Variants in SATB2 observed in about 807,000 individuals in gnomAD.
The protein encoded by SATB2 is SATB homeobox 2.
Under a neutral mutation model 73.4 loss-of-function variants are expected in SATB2, and 1 was observed. The ratio of observed to expected loss-of-function variants is 0.01; its 90% CI spans 0.00 to 0.06. The LOEUF (loss-of-function observed/expected upper bound fraction) is 0.06, where lower values mean the gene tolerates loss of function less well. Among genes scored for constraint, SATB2 ranks in the 10% least tolerant of loss-of-function variants. The pLI, the probability that SATB2 is intolerant of heterozygous loss-of-function variation, is 1.00. For missense variants in SATB2, 459 were observed against 945.8 expected, an observed-to-expected ratio of 0.49 and a Z score of 6.75; for synonymous variants, 397 against 367.0, an observed-to-expected ratio of 1.08 and a Z score of -0.93.
Position 199,455,796 on chromosome 2 carries a change from C to A in SATB2, c.169+73G>T. On this transcript the variant is annotated intron_variant, in intron 2 of 10. Coordinates refer to ENST00000417098, the MANE Select transcript of SATB2 (RefSeq NM_001172509.2). This position sits in a 1 kb window ranked among gnomAD's most constrained non-coding sequence, Gnocchi z 4.1. ...ATCCTACACCGCGACAGCGCCTAATCAACCTGAACCCTGACACCCGGGCCA... is the reference window on the plus strand; with the variant it reads ...ATCCTACACCGCGACAGCGCCTAATAAACCTGAACCCTGACACCCGGGCCA... 1 of 1,497,752 alleles carries A rather than the reference C, an allele frequency of 6.7e-7. No homozygotes were observed. Among genetic ancestry groups the A allele is most frequent in the South Asian group, 1.2e-5 (1 of 83,084 alleles). 92.8% of individuals were successfully genotyped at this position (1,497,752 alleles called of 1,614,324 possible).
intron 3 of SATB2, among the ~76,000 whole-genome samples, chr2:199,401,617 C>A (rs1262023432): frequency 2.6e-5 from 4 of 151,516 alleles, no homozygotes; most frequent in African/African-American, 9.7e-5. Flanking sequence ...GGGAAAATGG[C>A]CCAAGGGATT....
rs149522309 is a variant in SATB2 at position 199,294,010 on chromosome 2, T to A, written c.1740+14750A>T. On this transcript the variant is annotated intron_variant, in intron 10 of 10. Coordinates refer to ENST00000417098, the MANE Select transcript of SATB2 (RefSeq NM_001172509.2). ...TTTAATGCTCCCCCCCAACTAGTTATTAATATCATATGTTTGATCTGTGTC... is the reference window on the plus strand; with the variant it reads ...TTTAATGCTCCCCCCCAACTAGTTAATAATATCATATGTTTGATCTGTGTC... Among the ~76,000 whole-genome samples, 311 of 152,284 alleles carry A rather than the reference T, an allele frequency of 2.0e-3. 3 individuals are homozygous for A. Among genetic ancestry groups the A allele is most frequent in the African/African-American group, 7.3e-3 (302 of 41,570 alleles).
chr2:199,422,781 G>A (rs1691210750), intron 3 of SATB2, among the ~76,000 whole-genome samples: 1 of 152,086 alleles, frequency 6.6e-6, no homozygotes, highest in Non-Finnish European at 1.5e-5. Context: ...GTTAGTAAAT[G>A]TTAAGCCCTA....
At chr2:199,336,165 T>A (rs1688332874) in intron 7 of SATB2, among the ~76,000 whole-genome samples, 1 of 152,146 alleles carries the variant, frequency 6.6e-6, no homozygotes, top group South Asian at 2.1e-4. Flanking sequence ...GGTACTGGAA[T>A]AAGAGGCTAT....
chr2:199,270,157 G>A lies in SATB2; in HGVS notation c.*2054C>T, dbSNP rs1692110167. 1 of 152,808 alleles carries A rather than the reference G, an allele frequency of 6.5e-6. No individual in the cohort carries two copies. The highest frequency in any genetic ancestry group is 3.4e-3 in the Middle Eastern group (1 of 294). The allele number at this position is 152,808 out of a possible 1,614,324, so 9.5% of individuals were successfully genotyped here. On this transcript the variant is annotated 3_prime_UTR_variant, in exon 11 of 11. Coordinates refer to ENST00000417098, the MANE Select transcript of SATB2 (RefSeq NM_001172509.2). ...ATACTACAGAAATAGGAAGGATGGG[G>A]CCAGGGCTAACTGCAAACAACCATC...
intron 2 of SATB2, among the ~76,000 whole-genome samples, chr2:199,437,375 A>G (rs1380661602): frequency 6.6e-6 from 1 of 152,228 alleles, no homozygotes; most frequent in Non-Finnish European, 1.5e-5. Flanking sequence ...CACTAGAAAA[A>G]TGCATTTTTC....
rs576044844 is a variant in SATB2, at chr2:199,335,635, A to C, written c.1174-6725T>G. The stretch of plus-strand genomic sequence containing the variant: ...AGAAGGCAACAAATGCATATTTTTT[A>C]AATTTCTGGGAGTGGGAGTCCTATC... On this transcript the variant is annotated intron_variant, in intron 7 of 10. Coordinates refer to ENST00000417098, the MANE Select transcript of SATB2 (RefSeq NM_001172509.2). 4.6e-5 allele frequency among the ~76,000 whole-genome samples: 7 copies of C among 152,294 alleles called. No homozygotes were observed. In the South Asian group the frequency reaches 1.2e-3, roughly 27 times the overall value.
chr2:199,470,700 C>T (rs549800590), intron 1 of SATB2: 11 of 152,516 alleles, frequency 7.2e-5, no homozygotes, highest in East Asian at 3.8e-4. Flanking sequence ...TTATTCTGCT[C>T]CCGACTTACC....
intron 7 of SATB2, among the ~76,000 whole-genome samples, chr2:199,341,924 C>T (rs558418925): frequency 6.6e-6 from 1 of 152,258 alleles, no homozygotes; most frequent in Admixed American, 6.5e-5. Flanking sequence ...GAAATGCAAG[C>T]AAAGTCCCAG....
At chr2:199,401,624 G>T (rs1482051745) in intron 3 of SATB2, among the ~76,000 whole-genome samples, 2 of 152,026 alleles carry the variant, frequency 1.3e-5, no homozygotes, top group Non-Finnish European at 2.9e-5. Context: ...TGGCCCAAGG[G>T]ATTAAAAAAT....
chr2:199,380,194 A>G lies in SATB2; in HGVS notation c.597+170T>C, dbSNP rs72931316. Among the ~76,000 whole-genome samples, 4,642 of 152,284 alleles carry G rather than the reference A, an allele frequency of 0.03. 111 individuals are homozygous for G. The highest frequency in any genetic ancestry group is 0.042 in the Non-Finnish European group (2,852 of 68,016). On this transcript the variant is annotated intron_variant, in intron 5 of 10. Coordinates refer to ENST00000417098, the MANE Select transcript of SATB2 (RefSeq NM_001172509.2). ...CTACCCCATGCCCGGTTAATAAGCTATAACTTCTATTCTACAACCAGAAGC... is the reference window on the plus strand; with the variant it reads ...CTACCCCATGCCCGGTTAATAAGCTGTAACTTCTATTCTACAACCAGAAGC...
intron 5 of SATB2, among the ~76,000 whole-genome samples, chr2:199,374,634 T>C (rs1237304588): frequency 5.9e-5 from 9 of 152,192 alleles, no homozygotes; most frequent in Non-Finnish European, 1.3e-4. Flanking sequence ...ATGGAGCACA[T>C]TGGAAGTTGC....
rs144859206 is a variant in SATB2, at chr2:199,285,656, C to A, written c.1741-12984G>T. ...TGTTAGATTACATTTTGACTCCAGG[C>A]GGATTTAATATAAGTTGGTTCTCTT... is the stretch of plus-strand genomic sequence containing the variant. On this transcript the variant is annotated intron_variant, in intron 10 of 10. Transcript: ENST00000417098. Among the ~76,000 whole-genome samples, 515 of 150,110 alleles carry A rather than the reference C, an allele frequency of 3.4e-3. 2 individuals are homozygous for A. Among genetic ancestry groups the A allele is most frequent in the African/African-American group, 0.012 (475 of 40,854 alleles).
At chr2:199,423,309 A>G (rs1212428307) in intron 3 of SATB2, among the ~76,000 whole-genome samples, 6 of 152,128 alleles carry the variant, frequency 3.9e-5, no homozygotes, top group African/African-American at 1.4e-4. Flanking sequence ...ACAACATCTA[A>G]CACATAATAG....
chr2:199,281,885 T>C (rs1014260485), intron 10 of SATB2, among the ~76,000 whole-genome samples: 43 of 145,440 alleles, frequency 3.0e-4, no homozygotes, highest in African/African-American at 5.2e-4. Flanking sequence ...TCTCTCTCTT[T>C]TTTTTTTTTT....
In SATB2 at chr2:199,455,306, T is replaced by A. The variant is rs1345405707; in HGVS notation, c.169+563A>T. On this transcript the variant is annotated intron_variant, in intron 2 of 10. Transcript: ENST00000417098. This position sits in a 1 kb window ranked among gnomAD's most constrained non-coding sequence, Gnocchi z 4.1. ...TACGAATGCATATGACTAAACTTTA[T>A]AGACAACAGCAGCATTTAAGCTTCT... Among the ~76,000 whole-genome samples the A allele has an allele frequency of 1.3e-5, 2 of 152,244 alleles. No homozygotes were observed. Among genetic ancestry groups the A allele is most frequent in the Non-Finnish European group, 2.9e-5 (2 of 68,046 alleles).
At chr2:199,320,309 C>A (rs1687850657) in intron 9 of SATB2, among the ~76,000 whole-genome samples, 1 of 152,132 alleles carries the variant, frequency 6.6e-6, no homozygotes, top group East Asian at 1.9e-4. Flanking sequence ...ATTCTGCAGA[C>A]AGAAAAGGAA....
At chr2:199,331,718 A>G (rs1393227860) in intron 7 of SATB2, among the ~76,000 whole-genome samples, 2 of 152,184 alleles carry the variant, frequency 1.3e-5, no homozygotes, top group Admixed American at 1.3e-4. Flanking sequence ...CTGCATGCTT[A>G]TAAATGGAAA....
At chr2:199,326,104 ACTC>A (rs1262101691) in intron 8 of SATB2, 1 of 151,980 alleles carries the variant, frequency 6.6e-6, no homozygotes, top group Non-Finnish European at 1.5e-5. Context: ...GTCAGTGAGT[ACTC>A]CTCTAATACT....
Sources: allele counts gnomAD v4.1 joint callset (sites outside exome capture counted in the v4.1 genomes callset), GRCh38; gene constraint gnomAD v4.1.1; non-coding constraint Gnocchi (gnomAD v3.1); transcripts MANE v1.5; gene names NCBI Gene and HGNC (gene_info 2026-07-23, HGNC 2026-07-21).